Variants in SYN1 observed in about 807,000 individuals in gnomAD.
SYN1 encodes synapsin I, also known as synapsin-1.
SYN1 carries 8 observed loss-of-function variants against 44.6 expected under a neutral mutation model. The observed-to-expected ratio is 0.18, with a 90% confidence interval of 0.11 to 0.32. SYN1 has a LOEUF of 0.32. Among genes scored for constraint, SYN1 ranks in the 10% least tolerant of loss-of-function variants. The probability of loss-of-function intolerance (pLI) is 1.00; values close to 1 mark genes in which losing one functional copy is unlikely to be tolerated. For synonymous variants in SYN1, 275 were observed against 280.1 expected (o/e 0.98, Z 0.18); for missense variants, 451 against 639.4 (o/e 0.71, Z 3.18).
intron 5 of SYN1, among the ~76,000 whole-genome samples, chrX:47,578,117 C>T (rs1351576603): frequency 9.0e-6 from 1 of 110,866 alleles, no homozygotes; most frequent in East Asian, 2.8e-4. Context: ...GTGCCCATAG[C>T]GTGGGTCAGC....
chrX:47,583,810 C>T (rs1357212531), intron 5 of SYN1, among the ~76,000 whole-genome samples: 5 of 111,609 alleles, frequency 4.5e-5, no homozygotes, highest in Admixed American at 9.5e-5. Context: ...GATGGCCTTC[C>T]CTGGCCATCC....
intron 1 of SYN1, among the ~76,000 whole-genome samples, chrX:47,611,929 C>T (rs1264334277): frequency 1.8e-5 from 2 of 111,867 alleles, no homozygotes; most frequent in African/African-American, 3.3e-5. Flanking sequence ...ACCTAGGAGG[C>T]CTCTTCCCAT....
chrX:47,613,159 G>A (rs2057921582), intron 1 of SYN1, among the ~76,000 whole-genome samples: 1 of 106,292 alleles, frequency 9.4e-6, no homozygotes, highest in African/African-American at 3.4e-5. Flanking sequence ...AAAAAAAAGG[G>A]AGGAGCGAGG....
At position 47,585,132 on chromosome X, in the gene SYN1, A is replaced by C. The variant is rs922059685; in HGVS notation, c.775-7631T>G. The C allele has an allele frequency of 5.1e-6, 6 of 1,166,016 alleles. No homozygotes were observed. The Admixed American group carries it at 1.4e-4, about 28-fold the overall frequency. ...GTTGGCTGTGATCTTGGGATGCTAT[A>C]TGACTTCAGGGAAGAACCTGGAGTG... On this transcript the variant is annotated intron_variant, in intron 5 of 12. Coordinates refer to ENST00000295987, the MANE Select transcript of SYN1 (RefSeq NM_006950.3).
Position 47,604,841 on chromosome X carries a change from C to CA in SYN1, c.774+136dup. The CA allele has an allele frequency of 6.6e-6, 4 of 601,738 alleles. No individual in the cohort carries two copies. In the South Asian group the frequency reaches 7.3e-5, roughly 11 times the overall value. 49.6% of individuals were successfully genotyped at this position (601,738 alleles called of 1,213,427 possible). On this transcript the variant is annotated intron_variant, in intron 5 of 12. Transcript: ENST00000295987. ...AGGAAATTCACGGTAGACCCTATCA[C>CA]AAAGCAACTTCATGACTCCACGTGC...
At chrX:47,602,486 A>G (rs976406822) in intron 5 of SYN1, among the ~76,000 whole-genome samples, 1 of 111,212 alleles carries the variant, frequency 9.0e-6, no homozygotes, top group Non-Finnish European at 1.9e-5. Flanking sequence ...TACTAAAAAT[A>G]CAAAAAGTAG....
intron 3 of SYN1, among the ~76,000 whole-genome samples, chrX:47,606,201 G>GT (rs2057896509): frequency 9.1e-6 from 1 of 110,392 alleles, no homozygotes; most frequent in Admixed American, 9.6e-5. Context: ...CCACTGTTAT[G>GT]TTTTTTCTTA....
intron 12 of SYN1, 51 bp downstream of exon 12, chrX:47,573,951 C>T (rs754459006): frequency 8.5e-6 from 9 of 1,063,495 alleles, no homozygotes; most frequent in African/African-American, 5.8e-5. Context: ...ACTGGGGCAG[C>T]GGCCCGCTTT....
chrX:47,584,746 C>T (rs2057815335), intron 5 of SYN1, among the ~76,000 whole-genome samples: 1 of 111,653 alleles, frequency 9.0e-6, no homozygotes, highest in Non-Finnish European at 1.9e-5. Context: ...AAGCAGTGCC[C>T]GGCAAAGAGA....
intron 5 of SYN1, among the ~76,000 whole-genome samples, chrX:47,588,117 C>G (rs2057833754): frequency 8.9e-6 from 1 of 112,579 alleles, no homozygotes; most frequent in Non-Finnish European, 1.9e-5. Context: ...TTTGAACACA[C>G]AGTACTCAGC....
intron 5 of SYN1, chrX:47,586,860 C>A: frequency 1.7e-6 from 1 of 589,806 alleles, no homozygotes; most frequent in Non-Finnish European, 2.5e-6. Flanking sequence ...ACCCTGGGAC[C>A]AGTGGGGATG....
At chrX:47,588,679 T>C in intron 5 of SYN1, among the ~76,000 whole-genome samples, 1 of 111,791 alleles carries the variant, frequency 8.9e-6, no homozygotes, top group South Asian at 3.8e-4. Context: ...ACATCCCCCA[T>C]TGCTCTTGTA....
At chrX:47,595,272 GT>G (rs2057860806) in intron 5 of SYN1, among the ~76,000 whole-genome samples, 1 of 111,906 alleles carries the variant, frequency 8.9e-6, no homozygotes. Context: ...GTAAATAAGT[GT>G]TTCCCTGAGT....
chrX:47,601,606 A>G (rs758412179), intron 5 of SYN1, among the ~76,000 whole-genome samples: 1 of 111,897 alleles, frequency 8.9e-6, no homozygotes, highest in South Asian at 3.7e-4. Context: ...AAGAAAAAAA[A>G]TTAATGCCAA....
chrX:47,586,215 T>TG (rs1330984616), intron 5 of SYN1: 1 of 750,957 alleles, frequency 1.3e-6, no homozygotes, highest in Admixed American at 8.9e-5. Flanking sequence ...GCCAACCGGG[T>TG]GGGGCCCCTT....
chrX:47,597,502 G>A (rs66782190), intron 5 of SYN1, among the ~76,000 whole-genome samples: 1 of 109,896 alleles, frequency 9.1e-6, no homozygotes, highest in Non-Finnish European at 1.9e-5. Flanking sequence ...AAGAAGAAAA[G>A]TAAACAAAAT....
intron 5 of SYN1, among the ~76,000 whole-genome samples, chrX:47,583,769 T>A (rs1163121987): frequency 8.9e-6 from 1 of 112,000 alleles, no homozygotes; most frequent in African/African-American, 3.2e-5. Context: ...GGTATCCACA[T>A]GGGTGGCTGC....
At chrX:47,582,373 C>G (rs777974219) in intron 5 of SYN1, 4 of 203,304 alleles carry the variant, frequency 2.0e-5, no homozygotes, top group Non-Finnish European at 2.9e-5. Context: ...CCTGTGGTTT[C>G]CGCACCCGCT....
chrX:47,581,381 T>C (rs1484671802), intron 5 of SYN1, among the ~76,000 whole-genome samples: 1 of 112,073 alleles, frequency 8.9e-6, no homozygotes, highest in Non-Finnish European at 1.9e-5. Context: ...TGGGCAAGGA[T>C]TGCCCCACCC....
Sources: allele counts gnomAD v4.1 joint callset (sites outside exome capture counted in the v4.1 genomes callset), GRCh38; gene constraint gnomAD v4.1.1; transcripts MANE v1.5; gene names NCBI Gene and HGNC (gene_info 2026-07-23, HGNC 2026-07-21).